Variants in NFYA observed in about 807,000 individuals in gnomAD.
NFYA encodes the protein nuclear transcription factor Y subunit alpha, also known as CAAT-box DNA binding protein subunit A.
Under a neutral mutation model 52.8 loss-of-function variants are expected in NFYA, and 28 were observed. The observed-to-expected ratio is 0.53, with a 90% CI of 0.39 to 0.73. The LOEUF (loss-of-function observed/expected upper bound fraction) is 0.73, where lower values mean the gene tolerates loss of function less well. NFYA is among the 30% of genes least tolerant of loss of function. The pLI is 0.00. For synonymous variants in NFYA, 150 were observed against 150.7 expected (o/e 1.00, Z 0.03); for missense variants, 234 against 427.0 (o/e 0.55, Z 3.98).
chr6:41,077,580 C>T (rs1763776805), intron 1 of NFYA, among the ~76,000 whole-genome samples: 1 of 152,124 alleles, frequency 6.6e-6, no homozygotes, highest in African/African-American at 2.4e-5. Context: ...TTAGGGAAGC[C>T]TGTTAGTGCC....
chr6:41,088,647 G>A (rs544244451), intron 4 of NFYA, among the ~76,000 whole-genome samples: 2 of 151,722 alleles, frequency 1.3e-5, no homozygotes, highest in East Asian at 2.0e-4. Context: ...GCAGTGGTGC[G>A]GATCTTGGCT....
intron 4 of NFYA, 87 bp from the exon 5 acceptor site, chr6:41,089,492 T>C: frequency 7.2e-7 from 1 of 1,380,336 alleles, no homozygotes; most frequent in South Asian, 1.8e-5. Flanking sequence ...CATTTTCTGC[T>C]TTCTAGAGAA....
intron 4 of NFYA, 58 bp from the exon 5 acceptor site, chr6:41,089,521 G>A: frequency 6.7e-7 from 1 of 1,483,408 alleles, no homozygotes. Flanking sequence ...AACTCTCGGG[G>A]ACCAAAGGAG....
intron 2 of NFYA, 99 bp from the exon 3 acceptor site, chr6:41,080,712 G>T: frequency 2.1e-6 from 2 of 955,126 alleles, no homozygotes; most frequent in South Asian, 2.9e-5. Context: ...AAGTCCTTCA[G>T]GCTTCCGTCT....
At position 41,080,845 on chromosome 6, in the gene NFYA, C is replaced by G; in HGVS notation, c.110C>G (p.Thr37Ser). Residue 37 changes from threonine (T) to serine (S), a missense_variant, in exon 3 of 10, where the codon ACT (threonine) becomes AGT (serine). Coordinates refer to ENST00000341376, the MANE Select transcript of NFYA (RefSeq NM_002505.5). Reference protein sequence around the residue: ...QGGVTAVQLQTEAQVASASGQ... With the variant: ...QGGVTAVQLQSEAQVASASGQ... ...GGTGTCACTGCTGTGCAGTTGCAGA[C>G]TGAGGCCCAGGTGGCATCCGCCTCA... 6.2e-7 allele frequency: 1 copy of G among 1,614,062 alleles called. No individual in the cohort carries two copies. Among genetic ancestry groups the G allele is most frequent in the Non-Finnish European group, 8.5e-7 (1 of 1,179,912 alleles).
intron 7 of NFYA, among the ~76,000 whole-genome samples, chr6:41,092,334 C>G (rs1402554473): frequency 6.6e-6 from 1 of 152,224 alleles, no homozygotes; most frequent in Non-Finnish European, 1.5e-5. Flanking sequence ...TGAGCTCAGC[C>G]TGGGCAATGT....
chr6:41,080,888 C>G lies in NFYA; in HGVS notation c.153C>G (p.Thr51=). ...CCGCCTCAGGCCAGCAAGTCCAGAC[C>G]CTCCAGGTAGTGGTACCCTCTCTGA... ...VASASGQQVQ[T]LQVVQGQPLM... Residue 51 remains threonine (T), a synonymous_variant, in exon 3 of 10, where the codon ACC becomes ACG. Transcript: ENST00000341376. 1 of 1,613,704 alleles carries G rather than the reference C, an allele frequency of 6.2e-7. No homozygotes were observed. Among genetic ancestry groups the G allele is most frequent in the Non-Finnish European group, 8.5e-7 (1 of 1,179,610 alleles).
At chr6:41,085,367 A>G (rs545561371) in intron 4 of NFYA, among the ~76,000 whole-genome samples, 4 of 152,346 alleles carry the variant, frequency 2.6e-5, no homozygotes, top group African/African-American at 9.6e-5. Flanking sequence ...ATATATTCAT[A>G]GGGAATATTG....
chr6:41,088,777 G>T (rs944160708), intron 4 of NFYA, among the ~76,000 whole-genome samples: 1 of 151,974 alleles, frequency 6.6e-6, no homozygotes, highest in Non-Finnish European at 1.5e-5. Flanking sequence ...GTAGATACAG[G>T]GTTTTGCCAT....
chr6:41,080,828 T>G lies in NFYA; in HGVS notation c.93T>G (p.Thr31=). The G allele has an allele frequency of 6.2e-7, 1 of 1,613,954 alleles. No individual in the cohort carries two copies. The highest frequency in any genetic ancestry group is 8.5e-7 in the Non-Finnish European group (1 of 1,179,824). ...GTTCTCAGCAGCAGGGTGGTGTCAC[T>G]GCTGTGCAGTTGCAGACTGAGGCCC... ...QIQQQQQGGV[T]AVQLQTEAQV... Residue 31 remains threonine (T), a synonymous_variant, in exon 3 of 10, where the codon ACT becomes ACG. Coordinates refer to ENST00000341376, the MANE Select transcript of NFYA (RefSeq NM_002505.5).
chr6:41,083,127 G>A (rs1183329775), intron 3 of NFYA, among the ~76,000 whole-genome samples: 3 of 152,160 alleles, frequency 2.0e-5, no homozygotes, highest in Non-Finnish European at 4.4e-5. Context: ...ACTATTCCAT[G>A]GATCATTACA....
In NFYA at chr6:41,098,301, A is replaced by AT. The variant is rs1764413862; in HGVS notation, c.*895dup. On this transcript the variant is annotated 3_prime_UTR_variant, in exon 10 of 10. Coordinates refer to ENST00000341376, the MANE Select transcript of NFYA (RefSeq NM_002505.5). Reference sequence around the variant, plus strand: ...TCCTAAAGGAAGGGCCAAACTAGAGATTTTCAATCATAGACTTTGTGACAG... The same window carrying AT: ...TCCTAAAGGAAGGGCCAAACTAGAGATTTTTCAATCATAGACTTTGTGACAG... 1 of 152,438 alleles carries AT rather than the reference A, an allele frequency of 6.6e-6. No homozygotes were observed. The highest frequency in any genetic ancestry group is 1.5e-5 in the Non-Finnish European group (1 of 68,052). 9.4% of individuals were successfully genotyped at this position (152,438 alleles called of 1,614,324 possible).
Position 41,080,882 on chromosome 6 carries a change from C to T in NFYA, c.147C>T (p.Val49=), listed in dbSNP as rs1446224712. The T allele has an allele frequency of 6.2e-7, 1 of 1,613,842 alleles. No homozygotes were observed. Among genetic ancestry groups the T allele is most frequent in the South Asian group, 1.1e-5 (1 of 91,062 alleles). The change falls in exon 3 of 10, where the codon GTC becomes GTT. Residue 49 remains valine (V), a synonymous_variant. Coordinates refer to ENST00000341376, the MANE Select transcript of NFYA (RefSeq NM_002505.5). ...TGGCATCCGCCTCAGGCCAGCAAGT[C>T]CAGACCCTCCAGGTAGTGGTACCCT... is the stretch of plus-strand genomic sequence containing the variant. ...AQVASASGQQ[V]QTLQVVQGQP...
chr6:41,086,707 A>AT (rs1764054770), intron 4 of NFYA, among the ~76,000 whole-genome samples: 1 of 152,182 alleles, frequency 6.6e-6, no homozygotes, highest in South Asian at 2.1e-4. Context: ...CCTGAGAAAG[A>AT]TACTGGAACC....
At chr6:41,073,562 GC>G (rs1212382008) in intron 1 of NFYA, among the ~76,000 whole-genome samples, 1 of 151,938 alleles carries the variant, frequency 6.6e-6, no homozygotes, top group East Asian at 1.9e-4. Context: ...CGGGGCCCGC[GC>G]CCCCCGCTCC....
chr6:41,086,866 A>G (rs1014184168), intron 4 of NFYA, among the ~76,000 whole-genome samples: 5 of 152,206 alleles, frequency 3.3e-5, no homozygotes, highest in African/African-American at 1.2e-4. Flanking sequence ...AATATTTGCT[A>G]GGTGGATTAA....
At position 41,100,981 on chromosome 6, in the gene NFYA, T is replaced by TA. The variant is rs1165473988; in HGVS notation, c.*3572dup. The TA allele has an allele frequency of 3.3e-5, 5 of 152,252 alleles. No individual in the cohort carries two copies. The highest frequency in any genetic ancestry group is 7.3e-5 in the Non-Finnish European group (5 of 68,070). The allele number at this position is 152,252 out of a possible 1,614,324, so 9.4% of individuals were successfully genotyped here. ...AGAGCCTGCTAGGCGGATTGGCTGC[T>TA]ACGCGGCTGGGCCCTGTTTCCGGTA... On this transcript the variant is annotated 3_prime_UTR_variant, in exon 10 of 10. Coordinates refer to ENST00000341376, the MANE Select transcript of NFYA (RefSeq NM_002505.5).
chr6:41,090,013 A>C (rs1023578604), intron 5 of NFYA, among the ~76,000 whole-genome samples, 191 bp from the exon 6 acceptor site: 3 of 152,126 alleles, frequency 2.0e-5, no homozygotes, highest in African/African-American at 7.2e-5. Flanking sequence ...CGGGAGGCTG[A>C]GGCAGAGAAT....
chr6:41,073,792 C>T (rs778590541), intron 1 of NFYA, among the ~76,000 whole-genome samples: 1 of 152,160 alleles, frequency 6.6e-6, no homozygotes, highest in African/African-American at 2.4e-5. Context: ...CGCGCCCCTC[C>T]TCCCAGCCCG....
Sources: allele counts gnomAD v4.1 joint callset (sites outside exome capture counted in the v4.1 genomes callset), GRCh38; gene constraint gnomAD v4.1.1; transcripts MANE v1.5; gene names NCBI Gene and HGNC (gene_info 2026-07-23, HGNC 2026-07-21).